The following AGAP1 variants were observed in gnomAD, a reference collection of about 807,000 sequenced individuals.
AGAP1 encodes arf-GAP with GTPase, ANK repeat and PH domain-containing protein 1.
A neutral mutation model predicts 105.3 loss-of-function variants in AGAP1; 29 were observed. That is an observed-to-expected ratio of 0.28 (90% CI 0.21 to 0.38). AGAP1 has a LOEUF of 0.38. Among genes scored for constraint, AGAP1 ranks in the 10% least tolerant of loss-of-function variants. The probability of loss-of-function intolerance (pLI) is 1.00; values close to 1 mark genes in which losing one functional copy is unlikely to be tolerated. For synonymous variants in AGAP1, 509 were observed against 485.9 expected (o/e 1.05, Z -0.63); for missense variants, 998 against 1,165.1 (o/e 0.86, Z 2.09).
At chr2:235,828,707 C>G (rs1267134591) in intron 9 of AGAP1, among the ~76,000 whole-genome samples, 1 of 152,204 alleles carries the variant, frequency 6.6e-6, no homozygotes, top group East Asian at 1.9e-4. Context: ...AGCTTTCGCT[C>G]ACCCAGCCTT....
Position 235,701,153 on chromosome 2 carries a change from AGT to A in AGAP1, c.164-8023_164-8022del, listed in dbSNP as rs1950240972. ...TATGTATATATGATATGCTCTATTT[AGT>A]GTATATTTTATATATTTATATATAT... On this transcript the variant is annotated intron_variant, in intron 1 of 17. Coordinates refer to ENST00000304032, the MANE Select transcript of AGAP1 (RefSeq NM_001037131.3). The surrounding 1 kb of genome is among the most constrained non-coding windows in gnomAD (Gnocchi z 4.1). Among the ~76,000 whole-genome samples the A allele has an allele frequency of 6.7e-6, 1 of 149,240 alleles. No individual in the cohort carries two copies. The highest frequency in any genetic ancestry group is 2.4e-5 in the African/African-American group (1 of 40,818).
Position 236,107,113 on chromosome 2 carries a change from G to A in AGAP1, c.2115-13079G>A, listed in dbSNP as rs555249178. 5.1e-3 allele frequency among the ~76,000 whole-genome samples: 452 copies of A among 88,536 alleles called. 1 individual carries two copies. Among genetic ancestry groups the A allele is most frequent in the Non-Finnish European group, 6.3e-3 (270 of 42,836 alleles). 58.1% of individuals were successfully genotyped at this position (88,536 alleles called of 152,430 possible). A position where few individuals can be genotyped will look rare whatever the true frequency, so the allele number is the denominator to read the frequency against. On this transcript the variant is annotated intron_variant, in intron 16 of 17. Coordinates refer to ENST00000304032, the MANE Select transcript of AGAP1 (RefSeq NM_001037131.3). The stretch of plus-strand genomic sequence containing the variant: ...GTCCTCTCTTTACCCGTTCCCCCCC[G>A]CCCCACCCCCGCCAGCGGATTCTCC...
intron 1 of AGAP1, among the ~76,000 whole-genome samples, chr2:235,697,619 A>G (rs879354480): frequency 6.6e-6 from 1 of 152,218 alleles, no homozygotes; most frequent in East Asian, 1.9e-4. Flanking sequence ...TCTTGTGGCG[A>G]AAATTCAGCA....
chr2:235,744,498 G>C lies in AGAP1; in HGVS notation c.397-200G>C, dbSNP rs944401201. 1.7e-4 allele frequency among the ~76,000 whole-genome samples: 26 copies of C among 152,276 alleles called. No individual in the cohort carries two copies. The highest frequency in any genetic ancestry group is 6.3e-4 in the African/African-American group (26 of 41,566). The stretch of plus-strand genomic sequence containing the variant: ...AGGATGAAGGGCCCATTCCCAAGGG[G>C]AACACCAGGCATGGTGTGCTCAGGA... On this transcript the variant is annotated intron_variant, in intron 4 of 17. Coordinates refer to ENST00000304032, the MANE Select transcript of AGAP1 (RefSeq NM_001037131.3). This position sits in a 1 kb window ranked among gnomAD's most constrained non-coding sequence, Gnocchi z 5.2.
intron 6 of AGAP1, among the ~76,000 whole-genome samples, chr2:235,771,997 A>ACT (rs377170250): frequency 0.24 from 31,800 of 131,188 alleles, 3,949 homozygotes; most frequent in Admixed American, 0.38. Context: ...TTCTTTTCTT[A>ACT]TCTTTTTTTT....
chr2:235,681,843 C>CTTTTTTTTTTTTTTT (rs56934868), intron 1 of AGAP1, among the ~76,000 whole-genome samples: 1 of 78,302 alleles, frequency 1.3e-5, no homozygotes, highest in Non-Finnish European at 2.4e-5. Context: ...ATTTAGTTTG[C>CTTTTTTTTTTTTTTT]TTTTTTTTTT....
Position 236,005,289 on chromosome 2 carries a change from G to T in AGAP1, c.1646-31272G>T, listed in dbSNP as rs993386162. ...GCCTCCCAAATAGCTGGGACTACAGGAGTGTGCCACCGGCTAATTTTTTTT... is the reference window on the plus strand; with the variant it reads ...GCCTCCCAAATAGCTGGGACTACAGTAGTGTGCCACCGGCTAATTTTTTTT... On this transcript the variant is annotated intron_variant, in intron 13 of 17. Transcript: ENST00000304032. The surrounding 1 kb of genome is among the most constrained non-coding windows in gnomAD (Gnocchi z 4.1). 6.6e-6 allele frequency among the ~76,000 whole-genome samples: 1 copy of T among 152,086 alleles called. No homozygotes were observed. The highest frequency in any genetic ancestry group is 2.4e-5 in the African/African-American group (1 of 41,400).
chr2:235,673,997 C>T (rs1948584711), intron 1 of AGAP1, among the ~76,000 whole-genome samples: 2 of 152,208 alleles, frequency 1.3e-5, no homozygotes, highest in South Asian at 4.1e-4. Context: ...TATTTTAAAG[C>T]ACACACAGGC....
chr2:235,515,872 G>A (rs1414987566), intron 1 of AGAP1, among the ~76,000 whole-genome samples: 1 of 152,142 alleles, frequency 6.6e-6, no homozygotes, highest in Non-Finnish European at 1.5e-5. Flanking sequence ...CATCTTGGTG[G>A]GAAAGAGATA....
intron 9 of AGAP1, among the ~76,000 whole-genome samples, chr2:235,861,888 T>C (rs561330739): frequency 6.6e-4 from 100 of 152,330 alleles, no homozygotes; most frequent in African/African-American, 2.3e-3. Flanking sequence ...AAAAGATCTC[T>C]CTGACATGTT....
chr2:235,595,676 G>GTAGTA (rs1945503299), intron 1 of AGAP1, among the ~76,000 whole-genome samples: 1 of 152,158 alleles, frequency 6.6e-6, no homozygotes, highest in Non-Finnish European at 1.5e-5. Flanking sequence ...TTGGGCAGAT[G>GTAGTA]CATTGCTAAA....
At chr2:235,811,057 T>C (rs529526881) in intron 9 of AGAP1, among the ~76,000 whole-genome samples, 11 of 152,218 alleles carry the variant, frequency 7.2e-5, no homozygotes, top group Non-Finnish European at 1.5e-4. Context: ...TGGCAGTTAA[T>C]GAAGTACAAA....
At chr2:235,829,263 C>CT (rs1309019905) in intron 9 of AGAP1, among the ~76,000 whole-genome samples, 1 of 152,210 alleles carries the variant, frequency 6.6e-6, no homozygotes, top group Non-Finnish European at 1.5e-5. Flanking sequence ...AGAGAGAGAG[C>CT]TGGACCACTG....
intron 12 of AGAP1, among the ~76,000 whole-genome samples, chr2:235,966,868 G>C (rs1437437118): frequency 6.6e-6 from 1 of 152,170 alleles, no homozygotes; most frequent in Non-Finnish European, 1.5e-5. Flanking sequence ...ACGTACATCA[G>C]GGTGTTCTTG....
At chr2:235,946,158 G>T (rs1266857418) in intron 12 of AGAP1, among the ~76,000 whole-genome samples, 1 of 151,838 alleles carries the variant, frequency 6.6e-6, no homozygotes. Context: ...TAAGCTCTTT[G>T]GTTTCTAAAA....
chr2:235,573,491 A>C (rs1286301823), intron 1 of AGAP1, among the ~76,000 whole-genome samples: 1 of 152,202 alleles, frequency 6.6e-6, no homozygotes, highest in Non-Finnish European at 1.5e-5. Context: ...CATAGGAAAA[A>C]GTCCTCTTAT....
intron 1 of AGAP1, among the ~76,000 whole-genome samples, chr2:235,628,818 T>A (rs1286560541): frequency 6.6e-6 from 1 of 152,000 alleles, no homozygotes; most frequent in Non-Finnish European, 1.5e-5. Context: ...TATCATTCTT[T>A]TTTTGTTTGT....
At chr2:235,926,651 A>ATG (rs1326890874) in intron 11 of AGAP1, among the ~76,000 whole-genome samples, 2 of 152,224 alleles carry the variant, frequency 1.3e-5, no homozygotes, top group African/African-American at 2.4e-5. Context: ...AATATAGTGA[A>ATG]TGGGTATATT....
In AGAP1 at chr2:235,600,769, G is replaced by T. The variant is rs1464761178; in HGVS notation, c.163+105920G>T. ...ATTAAATGATGCCCACCCAGATTGA[G>T]GGTGGGTCTGCCTTCCCCAGCCCGT... is the stretch of plus-strand genomic sequence containing the variant. On this transcript the variant is annotated intron_variant, in intron 1 of 17. Coordinates refer to ENST00000304032, the MANE Select transcript of AGAP1 (RefSeq NM_001037131.3). This position sits in a 1 kb window ranked among gnomAD's most constrained non-coding sequence, Gnocchi z 4.8. 1.3e-5 allele frequency among the ~76,000 whole-genome samples: 2 copies of T among 152,122 alleles called. No individual in the cohort carries two copies. The highest frequency in any genetic ancestry group is 4.8e-5 in the African/African-American group (2 of 41,410).
Sources: allele counts gnomAD v4.1 joint callset (sites outside exome capture counted in the v4.1 genomes callset), GRCh38; gene constraint gnomAD v4.1.1; non-coding constraint Gnocchi (gnomAD v3.1); transcripts MANE v1.5; gene names NCBI Gene and HGNC (gene_info 2026-07-23, HGNC 2026-07-21).